ZFHX3: variants seen among roughly 807,000 people sequenced by gnomAD.
ZFHX3 encodes zinc finger homeobox 3.
Under a neutral mutation model 279.1 loss-of-function variants are expected in ZFHX3, and 42 were observed. That is an observed-to-expected ratio of 0.15 (90% CI 0.12 to 0.19). The LOEUF (loss-of-function observed/expected upper bound fraction) is 0.19. Ranked by LOEUF, ZFHX3 falls within the 10% of genes least tolerant of loss-of-function variation. ZFHX3 has a pLI of 1.00. For synonymous variants in ZFHX3, 2,293 were observed against 1,957.8 expected (o/e 1.17, Z -4.52); for missense variants, 4,981 against 4,754.0 (o/e 1.05, Z -1.40).
At chr16:73,328,259 G>T (rs967475290) in intron 3 of ZFHX3, among the ~76,000 whole-genome samples, 8 of 152,004 alleles carry the variant, frequency 5.3e-5, no homozygotes, top group African/African-American at 1.7e-4. Context: ...GGAGGTGGTG[G>T]TTGCACAGTC....
chr16:73,029,048 G>T (rs888486737), intron 1 of ZFHX3, among the ~76,000 whole-genome samples: 2 of 152,094 alleles, frequency 1.3e-5, no homozygotes, highest in African/African-American at 4.8e-5. Context: ...CAGCCCAGGG[G>T]AGCCAAGTGC....
At position 73,006,609 on chromosome 16, in the gene ZFHX3, CAAAGAAAGA is replaced by C. The variant is rs200389188; in HGVS notation, c.-50+41134_-50+41142del. Among the ~76,000 whole-genome samples the C allele has an allele frequency of 6.0e-3, 802 of 133,012 alleles. 20 individuals carry two copies. The East Asian group carries it at 0.093, about 15-fold the overall frequency. 87.3% of individuals were successfully genotyped at this position (133,012 alleles called of 152,430 possible). ...CTCCAGCCTAAGCAACAAAACAAGA[CAAAGAAAGA>C]AAAGAAAGAAAAGAAAAAAAAGAAA... On this transcript the variant is annotated intron_variant, in intron 1 of 9. Transcript: ENST00000268489.
chr16:73,014,339 T>C (rs761951147), intron 1 of ZFHX3: 2 of 152,344 alleles, frequency 1.3e-5, no homozygotes, highest in Non-Finnish European at 2.9e-5. Flanking sequence ...AGCTGATTTT[T>C]ATTTTATCAT....
chr16:72,832,916 A>G (rs1212634395), intron 4 of ZFHX3, among the ~76,000 whole-genome samples: 3 of 152,260 alleles, frequency 2.0e-5, no homozygotes, highest in African/African-American at 7.2e-5. Flanking sequence ...CATCATCATC[A>G]ACAGCAAGAG....
intron 2 of ZFHX3, among the ~76,000 whole-genome samples, chr16:73,646,447 AAGAT>A (rs1409461612): frequency 6.6e-6 from 1 of 152,168 alleles, no homozygotes; most frequent in Non-Finnish European, 1.5e-5. Context: ...TCAATTTAAA[AAGAT>A]AGAAAGAGAA....
At chr16:73,116,880 T>C (rs1466656158) in intron 7 of ZFHX3, among the ~76,000 whole-genome samples, 1 of 152,220 alleles carries the variant, frequency 6.6e-6, no homozygotes, top group African/African-American at 2.4e-5. Context: ...AGAAAAAGCC[T>C]GGCCTGCCTC....
chr16:72,874,400 G>A (rs1456847619), intron 4 of ZFHX3, among the ~76,000 whole-genome samples: 1 of 151,834 alleles, frequency 6.6e-6, no homozygotes, highest in Non-Finnish European at 1.5e-5. Context: ...TGGAGACGGG[G>A]TTTCACGGTG....
At chr16:73,540,421 T>A (rs2019990793) in intron 2 of ZFHX3, among the ~76,000 whole-genome samples, 1 of 152,164 alleles carries the variant, frequency 6.6e-6, no homozygotes, top group Non-Finnish European at 1.5e-5. Context: ...TTTCTTCAGG[T>A]CCCCAAAGAT....
chr16:72,937,536 G>T (rs1214956446), intron 3 of ZFHX3, among the ~76,000 whole-genome samples: 1 of 152,242 alleles, frequency 6.6e-6, no homozygotes, highest in Non-Finnish European at 1.5e-5. Flanking sequence ...CCCAGAGTGG[G>T]CATGATTCAG....
intron 2 of ZFHX3, among the ~76,000 whole-genome samples, chr16:73,581,659 C>CTTTTTTTTT (rs11286052): frequency 6.8e-5 from 5 of 73,428 alleles, no homozygotes; most frequent in African/African-American, 1.1e-4. Flanking sequence ...TCGAATGTCT[C>CTTTTTTTTT]TTTTTTTTTT....
chr16:73,844,825 G>A (rs1032069296), intron 1 of ZFHX3, among the ~76,000 whole-genome samples: 1 of 150,720 alleles, frequency 6.6e-6, no homozygotes, highest in Non-Finnish European at 1.5e-5. Context: ...TAGACAGATG[G>A]TAGACGGATG....
At chr16:73,220,990 G>T (rs1460615348) in intron 5 of ZFHX3, among the ~76,000 whole-genome samples, 1 of 152,210 alleles carries the variant, frequency 6.6e-6, no homozygotes, top group Non-Finnish European at 1.5e-5. Flanking sequence ...AAGCTGTAGA[G>T]CTGGGGAGAA....
chr16:73,199,247 G>C (rs944786082), intron 5 of ZFHX3, among the ~76,000 whole-genome samples: 4 of 152,144 alleles, frequency 2.6e-5, no homozygotes, highest in Admixed American at 2.6e-4. Flanking sequence ...GGCGTAACGG[G>C]GTACACTTAG....
chr16:72,900,037 C>G (rs1394867943), intron 3 of ZFHX3, among the ~76,000 whole-genome samples: 3 of 147,690 alleles, frequency 2.0e-5, no homozygotes, highest in African/African-American at 5.0e-5. Flanking sequence ...TGAACACACA[C>G]AGGGCTGCCT....
At chr16:73,630,166 G>A (rs534028974) in intron 2 of ZFHX3, among the ~76,000 whole-genome samples, 75 of 152,242 alleles carry the variant, frequency 4.9e-4, no homozygotes, top group South Asian at 1.9e-3. Context: ...TTTGGAAAAC[G>A]TTAGTCTAAT....
chr16:73,362,184 G>A (rs565608606), intron 3 of ZFHX3, among the ~76,000 whole-genome samples: 9 of 152,274 alleles, frequency 5.9e-5, no homozygotes, highest in South Asian at 4.1e-4. Context: ...CATTCCCTAC[G>A]TAAGGAATAT....
chr16:73,506,416 A>G (rs147367643), intron 2 of ZFHX3, among the ~76,000 whole-genome samples: 33 of 152,278 alleles, frequency 2.2e-4, no homozygotes, highest in African/African-American at 7.2e-4. Flanking sequence ...ATGGTGGGAA[A>G]TACAGTCTTG....
chr16:73,525,274 G>A (rs983890244), intron 2 of ZFHX3, among the ~76,000 whole-genome samples: 1 of 152,140 alleles, frequency 6.6e-6, no homozygotes, highest in Non-Finnish European at 1.5e-5. Context: ...CCCAGGACAA[G>A]CCAAAGTCAC....
At chr16:73,347,243 A>G (rs1559314) in intron 3 of ZFHX3, among the ~76,000 whole-genome samples, 151,836 of 152,366 alleles carry the variant, frequency 1, 75,658 homozygotes, top group Middle Eastern at 1. Context: ...GCCCACAATC[A>G]CAACCATTCC....
Sources: gnomAD v4.1 joint callset for allele counts (sites outside exome capture counted in the v4.1 genomes callset) on GRCh38, gnomAD v4.1.1 for gene constraint, MANE v1.5 for transcripts, NCBI Gene and HGNC (gene_info 2026-07-23, HGNC 2026-07-21) for gene names.